Variants in ZNF615 observed in about 807,000 individuals in gnomAD.
The protein encoded by ZNF615 is zinc finger protein 615.
ZNF615 carries 15 observed loss-of-function variants against 15.3 expected under a neutral mutation model. That is an observed-to-expected ratio of 0.98 (90% confidence interval 0.66 to 1.51). ZNF615 has a LOEUF of 1.51. ZNF615 is among the 40% of genes most tolerant of loss of function. The pLI is 0.00. For missense variants in ZNF615, 848 were observed against 895.9 expected (o/e 0.95, Z 0.68); for synonymous variants, 268 against 294.6 (o/e 0.91, Z 0.92).
chr19:52,002,474 G>T, intron 3 of ZNF615, 193 bp from the exon 4 acceptor site: 1 of 796,056 alleles, frequency 1.3e-6, no homozygotes, highest in Non-Finnish European at 2.1e-6. Flanking sequence ...CAACAATGTT[G>T]AAAAGTCAAA....
At chr19:52,008,072 G>A in intron 1 of ZNF615, 69 bp downstream of exon 1, 1 of 1,453,664 alleles carries the variant, frequency 6.9e-7, no homozygotes, top group Non-Finnish European at 9.3e-7. Flanking sequence ...CACTGTCCAC[G>A]AACACGCCCA....
chr19:51,993,662 T>C lies in ZNF615; in HGVS notation c.1447A>G (p.Ile483Val), dbSNP rs753971390. 1.2e-6 allele frequency: 2 copies of C among 1,614,104 alleles called. No homozygotes were observed. The highest frequency in any genetic ancestry group is 1.1e-5 in the South Asian group (1 of 91,074). The change falls in exon 7 of 7, where the codon ATT becomes GTT. Residue 483 changes from isoleucine (I) to valine (V), a missense_variant. Coordinates refer to ENST00000598071, the MANE Select transcript of ZNF615 (RefSeq NM_001199324.2). ...GCAGTATGAGTTCGCTGATGTACAA[T>C]GAGGTCACTCTTCATGGTGAAACCT... Reference protein sequence around the residue: ...RKGFTMKSDLIVHQRTHTAEK... With the variant: ...RKGFTMKSDLVVHQRTHTAEK...
At chr19:51,996,100 T>C (rs2086417130) in intron 6 of ZNF615, among the ~76,000 whole-genome samples, 1 of 152,026 alleles carries the variant, frequency 6.6e-6, no homozygotes, top group African/African-American at 2.4e-5. Context: ...AAAAATTATA[T>C]GGTTTCAGGC....
intron 5 of ZNF615, 76 bp from the exon 6 acceptor site, chr19:52,000,454 T>C (rs1382422300): frequency 3.6e-6 from 2 of 551,964 alleles, no homozygotes; most frequent in Non-Finnish European, 3.2e-6. Flanking sequence ...GCATTATTCT[T>C]AGAGGGAAGA....
rs79055311 is a variant in ZNF615 at position 51,994,580 on chromosome 19, A to G, written c.529T>C (p.Phe177Leu). Residue 177 changes from phenylalanine to leucine, a missense_variant, in exon 7 of 7, where the codon TTT becomes CTT. Coordinates refer to ENST00000598071, the MANE Select transcript of ZNF615 (RefSeq NM_001199324.2). ...AEFNRDGKSL[F>L]HANHKQFYTE... ...TAAAATTGTTTATGGTTAGCATGAAAAAGGGATTTCCCATCTCTATTAAAC... is the reference window on the plus strand; with the variant it reads ...TAAAATTGTTTATGGTTAGCATGAAGAAGGGATTTCCCATCTCTATTAAAC... 5,609 of 1,614,066 alleles carry G rather than the reference A, an allele frequency of 3.5e-3. 154 individuals are homozygous for G. The African/African-American group carries it at 0.059, about 17-fold the overall frequency.
Position 51,993,512 on chromosome 19 carries a change from G to A in ZNF615, c.1597C>T (p.Pro533Ser). 1 of 1,610,418 alleles carries A rather than the reference G, an allele frequency of 6.2e-7. No homozygotes were observed. Among genetic ancestry groups the A allele is most frequent in the African/African-American group, 1.4e-5 (1 of 73,722 alleles). Residue 533 changes from proline (P) to serine (S), a missense_variant, in exon 7 of 7, where the codon CCA becomes TCA. Physicochemically the swap from Pro to Ser is moderately conservative, Grantham distance 74 (BLOSUM62 -1). Coordinates refer to ENST00000598071, the MANE Select transcript of ZNF615 (RefSeq NM_001199324.2). ...TGTCCCATTAGCCGGATCTTTGCTG[G>A]AAAGCCTTTTCCACACTCACCACAT... ...YVCGECGKGF[P>S]AKIRLMGHQR...
In ZNF615 at chr19:51,992,895, CCT is replaced by C. The variant is rs1568494036; in HGVS notation, c.2212_2213del (p.Arg738GlufsTer28). On this transcript the variant is annotated frameshift_variant, in exon 7 of 7. Coordinates refer to ENST00000598071, the MANE Select transcript of ZNF615 (RefSeq NM_001199324.2). LOFTEE classifies it high-confidence loss of function. ...CCCAAAATGACTACCTGTGAATTCT[CCT>C]GTGTTTAACAAGGATAGACAAGTGC... ...FAHLSILVKHRRIHR is the reference protein window; with the variant it reads ...FAHLSILVKHXRIHR 2 of 1,613,902 alleles carry C rather than the reference CCT, an allele frequency of 1.2e-6. No homozygotes were observed. Among genetic ancestry groups the C allele is most frequent in the Non-Finnish European group, 1.7e-6 (2 of 1,179,832 alleles).
At chr19:51,999,528 T>C (rs1383837787) in intron 6 of ZNF615, among the ~76,000 whole-genome samples, 1 of 152,196 alleles carries the variant, frequency 6.6e-6, no homozygotes, top group Non-Finnish European at 1.5e-5. Flanking sequence ...GTTCCAAAAT[T>C]GATTGTGGTA....
chr19:51,996,407 A>AAAAAAAAGAAC lies in ZNF615; in HGVS notation c.272-1571_272-1570insGTTCTTTTTTT, dbSNP rs755143397. 1.4e-5 allele frequency among the ~76,000 whole-genome samples: 2 copies of AAAAAAAAGAAC among 138,290 alleles called. 1 individual carries two copies. The highest frequency in any genetic ancestry group is 3.1e-5 in the Non-Finnish European group (2 of 64,866). 90.7% of individuals were successfully genotyped at this position (138,290 alleles called of 152,430 possible). On this transcript the variant is annotated intron_variant, in intron 6 of 6. Transcript: ENST00000598071. ...TCTCAAAAAAAAAAAAAAAAAAAAA[A>AAAAAAAAGAAC]ACGCAAAACTATATGGCTTCAGCCA...
intron 2 of ZNF615, 65 bp from the exon 3 acceptor site, chr19:52,003,965 A>T: frequency 8.5e-7 from 1 of 1,174,712 alleles, no homozygotes; most frequent in East Asian, 3.2e-5. Context: ...CTGTTCCTAT[A>T]TGCTCACCTT....
Position 51,993,643 on chromosome 19 carries a change from T to C in ZNF615, c.1466A>G (p.His489Arg), listed in dbSNP as rs1202775311. ...GCATATATATGGCTTCTCTGCAGTATGAGTTCGCTGATGTACAATGAGGTC... is the reference window on the plus strand; with the variant it reads ...GCATATATATGGCTTCTCTGCAGTACGAGTTCGCTGATGTACAATGAGGTC... Reference protein sequence around the residue: ...KSDLIVHQRTHTAEKPYICND... With the variant: ...KSDLIVHQRTRTAEKPYICND... Residue 489 changes from histidine (H) to arginine (R), a missense_variant, in exon 7 of 7, where the codon CAT (histidine) becomes CGT (arginine). Transcript: ENST00000598071. 7.4e-6 allele frequency: 12 copies of C among 1,614,118 alleles called. No homozygotes were observed. The highest frequency in any genetic ancestry group is 7.6e-6 in the Non-Finnish European group (9 of 1,180,012).
chr19:51,993,475 T>C lies in ZNF615; in HGVS notation c.1634A>G (p.His545Arg), dbSNP rs200244037. ...GCAAATATAAGGTTTCTCTCCTGTA[T>C]GAGTTCGTTGATGTCCCATTAGCCG... ...KIRLMGHQRT[H>R]TGEKPYICNE... The change falls in exon 7 of 7, where the codon CAT (histidine) becomes CGT (arginine). Residue 545 changes from histidine (H) to arginine (R), a missense_variant. Coordinates refer to ENST00000598071, the MANE Select transcript of ZNF615 (RefSeq NM_001199324.2). 1.2e-4 allele frequency: 187 copies of C among 1,614,178 alleles called. No homozygotes were observed. Among genetic ancestry groups the C allele is most frequent in the Middle Eastern group, 3.3e-4 (2 of 6,062 alleles).
At chr19:51,995,858 C>T (rs1049682723) in intron 6 of ZNF615, among the ~76,000 whole-genome samples, 2 of 152,082 alleles carry the variant, frequency 1.3e-5, no homozygotes, top group Non-Finnish European at 2.9e-5. Context: ...TGAGCCACTG[C>T]ACTCAGCCAA....
In ZNF615 at chr19:51,993,780, C is replaced by T. The variant is rs775674883; in HGVS notation, c.1329G>A (p.Glu443=). Residue 443 remains glutamate (E), a synonymous_variant, in exon 7 of 7, where the codon GAG becomes GAA. Transcript: ENST00000598071. ...TCTTCAAAGCGAAGCCCTTTCCACA[C>T]TCATTGCATTTATAAGGTTTCTCTC... ...HTGEKPYKCN[E]CGKGFALKSP... is the part of the protein sequence containing the mutation. The T allele has an allele frequency of 6.2e-7, 1 of 1,613,892 alleles. No individual in the cohort carries two copies. The highest frequency in any genetic ancestry group is 1.7e-5 in the Admixed American group (1 of 60,006).
Position 52,001,804 on chromosome 19 carries a change from C to G in ZNF615, c.238+9G>C. 1 of 1,613,380 alleles carries G rather than the reference C, an allele frequency of 6.2e-7. No homozygotes were observed. Among genetic ancestry groups the G allele is most frequent in the Non-Finnish European group, 8.5e-7 (1 of 1,179,362 alleles). On this transcript the variant is annotated intron_variant, in intron 5 of 6. Transcript: ENST00000598071. Reference sequence around the variant, plus strand: ...TGTGGCTGTCCACCTGGCTGCTCCTCTCACTCACCAGAACAGATTCGAGAG... The same window carrying G: ...TGTGGCTGTCCACCTGGCTGCTCCTGTCACTCACCAGAACAGATTCGAGAG...
In ZNF615 at chr19:51,996,291, C is replaced by T. The variant is rs548634583; in HGVS notation, c.272-1454G>A. Among the ~76,000 whole-genome samples, 3 of 146,002 alleles carry T rather than the reference C, an allele frequency of 2.1e-5. No homozygotes were observed. In the South Asian group the frequency reaches 6.6e-4, roughly 32 times the overall value. ...GTCCCGGCTACTTGGGAGGCTGAGG[C>T]ACAAGAATCGCTTGAACCCAGGAGG... On this transcript the variant is annotated intron_variant, in intron 6 of 6. Transcript: ENST00000598071.
rs2086807423 is a variant in ZNF615, at chr19:52,008,141, T to C, written c.-228A>G. The stretch of plus-strand genomic sequence containing the variant: ...GCGACCACCCAGTGACTGAACTTAC[T>C]TCCCAGAACTTGGTGGGCTCCGGCC... On this transcript the variant is annotated splice_region_variant and 5_prime_UTR_variant, in exon 1 of 7. Transcript: ENST00000598071. The C allele has an allele frequency of 1.3e-6, 2 of 1,535,376 alleles. No homozygotes were observed. The highest frequency in any genetic ancestry group is 2.0e-5 in the Admixed American group (1 of 50,966).
rs776220423 is a variant in ZNF615, at chr19:51,993,595, G to A, written c.1514C>T (p.Thr505Ile). 5.0e-6 allele frequency: 8 copies of A among 1,613,982 alleles called. No homozygotes were observed. Among genetic ancestry groups the A allele is most frequent in the Non-Finnish European group, 6.8e-6 (8 of 1,180,028 alleles). The change falls in exon 7 of 7, where the codon ACT becomes ATT. Residue 505 changes from threonine to isoleucine, a missense_variant. Physicochemically the swap from Thr to Ile is moderately conservative, Grantham distance 89. Transcript: ENST00000598071. Reference sequence around the variant, plus strand: ...ATGCACAATAAGGCGGCTCTTCACAGTGAAGCCTTTTCCACAATCATTGCA... The same window carrying A: ...ATGCACAATAAGGCGGCTCTTCACAATGAAGCCTTTTCCACAATCATTGCA... ...YICNDCGKGF[T>I]VKSRLIVHQR... is the part of the protein sequence containing the mutation.
intron 5 of ZNF615, 62 bp downstream of exon 5, chr19:52,001,751 C>A: frequency 7.0e-7 from 1 of 1,432,988 alleles, no homozygotes; most frequent in South Asian, 1.2e-5. Context: ...GCTTTGACGC[C>A]TGCTCTGTGT....
Sources: allele counts gnomAD v4.1 joint callset (sites outside exome capture counted in the v4.1 genomes callset), GRCh38; gene constraint gnomAD v4.1.1; transcripts MANE v1.5; gene names NCBI Gene and HGNC (gene_info 2026-07-23, HGNC 2026-07-21).